Variants in GRID2 observed in about 807,000 individuals in gnomAD.
GRID2 encodes glutamate receptor ionotropic, delta-2.
GRID2 carries 33 observed loss-of-function variants against 114.8 expected under a neutral mutation model. The ratio of observed to expected loss-of-function variants is 0.29; its 90% CI spans 0.22 to 0.38. GRID2 has a LOEUF of 0.38. GRID2 is among the 10% of genes least tolerant of loss of function. The pLI is 1.00. For missense variants in GRID2, 1,184 were observed against 1,257.7 expected (o/e 0.94, Z 0.89); for synonymous variants, 505 against 449.9 (o/e 1.12, Z -1.55).
intron 2 of GRID2, among the ~76,000 whole-genome samples, chr4:92,644,274 G>A (rs1241936918): frequency 6.6e-6 from 1 of 151,644 alleles, no homozygotes; most frequent in African/African-American, 2.4e-5. Context: ...CAACATATAA[G>A]TAAAATGTAT....
At chr4:92,818,344 A>C (rs1225151277) in intron 2 of GRID2, among the ~76,000 whole-genome samples, 3 of 152,144 alleles carry the variant, frequency 2.0e-5, no homozygotes, top group Admixed American at 2.0e-4. Context: ...AGAGACTAAA[A>C]GTGTCATTAG....
intron 2 of GRID2, among the ~76,000 whole-genome samples, chr4:92,868,107 TTTC>T (rs750236062): frequency 3.4e-4 from 52 of 152,040 alleles, no homozygotes; most frequent in Non-Finnish European, 6.2e-4. Flanking sequence ...TTTCTCTTTC[TTTC>T]TTTTTTTAAT....
chr4:93,514,590 A>G (rs978418153), intron 12 of GRID2, among the ~76,000 whole-genome samples: 1 of 152,144 alleles, frequency 6.6e-6, no homozygotes, highest in African/African-American at 2.4e-5. Context: ...TGACTATGAC[A>G]CACTGATCAA....
intron 2 of GRID2, among the ~76,000 whole-genome samples, chr4:92,726,033 T>C (rs963601189): frequency 6.6e-5 from 10 of 152,074 alleles, no homozygotes; most frequent in Admixed American, 1.3e-4. Flanking sequence ...ATGCATGTTC[T>C]AGAAAAACAA....
intron 2 of GRID2, among the ~76,000 whole-genome samples, chr4:92,767,095 A>G (rs531360061): frequency 6.7e-4 from 102 of 152,264 alleles, no homozygotes; most frequent in Non-Finnish European, 1.1e-3. Context: ...CACGTTCTCA[A>G]TCTCACCCTT....
At chr4:92,419,418 C>CATCT (rs948467628) in intron 1 of GRID2, among the ~76,000 whole-genome samples, 46 of 152,212 alleles carry the variant, frequency 3.0e-4, no homozygotes, top group African/African-American at 1.0e-3. Context: ...TAAGACTGAG[C>CATCT]ATCTAATCAC....
chr4:93,542,549 G>A (rs547895657), intron 13 of GRID2, among the ~76,000 whole-genome samples: 1 of 152,146 alleles, frequency 6.6e-6, no homozygotes, highest in Non-Finnish European at 1.5e-5. Context: ...AGTAAAAAGA[G>A]CAGAAAAGAG....
chr4:93,680,298 C>T (rs1173990208), intron 14 of GRID2, among the ~76,000 whole-genome samples: 3 of 152,012 alleles, frequency 2.0e-5, no homozygotes, highest in Non-Finnish European at 4.4e-5. Context: ...AGCTTACCAA[C>T]CAAAAAGAGT....
intron 2 of GRID2, among the ~76,000 whole-genome samples, chr4:92,757,038 T>C (rs1019567991): frequency 1.3e-5 from 2 of 152,114 alleles, no homozygotes; most frequent in Non-Finnish European, 2.9e-5. Context: ...ACCAATATTC[T>C]GGAGTGTTTC....
At chr4:92,488,938 C>T (rs962566856) in intron 1 of GRID2, among the ~76,000 whole-genome samples, 1 of 152,178 alleles carries the variant, frequency 6.6e-6, no homozygotes, top group African/African-American at 2.4e-5. Context: ...TACAGTAGAA[C>T]AACAGAGCCT....
chr4:93,177,172 G>A (rs1739422446), intron 4 of GRID2, among the ~76,000 whole-genome samples: 1 of 151,936 alleles, frequency 6.6e-6, no homozygotes, highest in Non-Finnish European at 1.5e-5. Flanking sequence ...ATATTAAGTG[G>A]GACAAAATCC....
At chr4:92,713,588 T>A (rs561317915) in intron 2 of GRID2, among the ~76,000 whole-genome samples, 1 of 147,620 alleles carries the variant, frequency 6.8e-6, no homozygotes, top group South Asian at 2.2e-4. Flanking sequence ...GATAAAGACA[T>A]ACTTGACACT....
At chr4:92,676,579 T>C (rs528519025) in intron 2 of GRID2, among the ~76,000 whole-genome samples, 1 of 152,304 alleles carries the variant, frequency 6.6e-6, no homozygotes, top group Admixed American at 6.5e-5. Context: ...TGTTGATTCA[T>C]ATGGAGCATG....
At chr4:92,582,657 A>C (rs540637019) in intron 1 of GRID2, among the ~76,000 whole-genome samples, 2 of 152,084 alleles carry the variant, frequency 1.3e-5, no homozygotes, top group East Asian at 3.9e-4. Context: ...TATACAATAA[A>C]ATTTTATTAT....
chr4:93,009,273 C>T (rs1430998994), intron 2 of GRID2, among the ~76,000 whole-genome samples: 1 of 152,042 alleles, frequency 6.6e-6, no homozygotes, highest in Admixed American at 6.6e-5. Context: ...TTGAAAGCAG[C>T]CCTCAGTAGT....
chr4:92,737,354 G>A lies in GRID2; in HGVS notation c.244+147068G>A, dbSNP rs140427235. Among the ~76,000 whole-genome samples the A allele has an allele frequency of 2.8e-3, 422 of 152,158 alleles. 2 individuals are homozygous for A. Among genetic ancestry groups the A allele is most frequent in the African/African-American group, 9.6e-3 (397 of 41,532 alleles). The stretch of plus-strand genomic sequence containing the variant: ...AGGAATCTTATGATTATGTGTATGC[G>A]ATTTTGTCAGATAGAAGAGTCTGCC... On this transcript the variant is annotated intron_variant, in intron 2 of 15. Transcript: ENST00000282020.
At chr4:93,300,776 G>A (rs966913964) in intron 8 of GRID2, among the ~76,000 whole-genome samples, 4 of 152,146 alleles carry the variant, frequency 2.6e-5, no homozygotes, top group East Asian at 1.9e-4. Context: ...CTCCCCAAAT[G>A]CACAATTTGT....
At chr4:93,026,960 G>A (rs1723937961) in intron 2 of GRID2, among the ~76,000 whole-genome samples, 2 of 152,054 alleles carry the variant, frequency 1.3e-5, no homozygotes, top group African/African-American at 2.4e-5. Context: ...TGAGAAGAAT[G>A]TTTGTACAGA....
At position 92,808,603 on chromosome 4, in the gene GRID2, A is replaced by G. The variant is rs572503855; in HGVS notation, c.244+218317A>G. ...CTCATTGTTTCTGCTTTATTTTTGTAGAGCTTAAGTTTATAAACAGGACCA... is the reference window on the plus strand; with the variant it reads ...CTCATTGTTTCTGCTTTATTTTTGTGGAGCTTAAGTTTATAAACAGGACCA... On this transcript the variant is annotated intron_variant, in intron 2 of 15. Transcript: ENST00000282020. Among the ~76,000 whole-genome samples, 3 of 152,132 alleles carry G rather than the reference A, an allele frequency of 2.0e-5. No homozygotes were observed. In the East Asian group the frequency reaches 5.8e-4, roughly 29 times the overall value.
Sources: allele counts gnomAD v4.1 joint callset (sites outside exome capture counted in the v4.1 genomes callset), GRCh38; gene constraint gnomAD v4.1.1; transcripts MANE v1.5; gene names NCBI Gene and HGNC (gene_info 2026-07-23, HGNC 2026-07-21).